Variants in APPBP2 observed in about 807,000 individuals in gnomAD.
The protein encoded by APPBP2 is amyloid beta precursor protein binding protein 2, also known as amyloid protein-binding protein 2.
In APPBP2, 15 loss-of-function variants were observed where a neutral mutation model predicts 76.0. That is an observed-to-expected ratio of 0.20 (90% CI 0.13 to 0.30). The LOEUF is 0.30. Ranked by LOEUF, APPBP2 falls within the 10% of genes least tolerant of loss-of-function variation. The pLI is 1.00. For synonymous variants in APPBP2, 222 were observed against 242.2 expected (o/e 0.92, Z 0.77); for missense variants, 401 against 687.2 (o/e 0.58, Z 4.66).
chr17:60,496,814 G>A (rs530816107), intron 2 of APPBP2, among the ~76,000 whole-genome samples: 2 of 152,042 alleles, frequency 1.3e-5, no homozygotes, highest in Non-Finnish European at 2.9e-5. Context: ...TCCGCCTCCC[G>A]GGTTCAAGTG....
chr17:60,486,958 A>T, intron 3 of APPBP2, among the ~76,000 whole-genome samples: 1 of 152,148 alleles, frequency 6.6e-6, no homozygotes, highest in Non-Finnish European at 1.5e-5. Context: ...TATGAAGCTT[A>T]GTTTGGCTGG....
At position 60,520,590 on chromosome 17, in the gene APPBP2, A is replaced by AATC. The variant is rs1555637035; in HGVS notation, c.138+5203_138+5204insGAT. On this transcript the variant is annotated intron_variant, in intron 1 of 12. Coordinates refer to ENST00000083182, the MANE Select transcript of APPBP2 (RefSeq NM_006380.5). ...TCTGTTAAAAAAAAAAAAAAAAAAA[A>AATC]ATTAAGATTGTGAAAACAATACATA... 5.3e-3 allele frequency among the ~76,000 whole-genome samples: 788 copies of AATC among 149,402 alleles called. 9 individuals carry two copies. The highest frequency in any genetic ancestry group is 0.018 in the African/African-American group (718 of 38,938).
At chr17:60,470,422 G>A (rs1216393546) in intron 4 of APPBP2, among the ~76,000 whole-genome samples, 1 of 151,908 alleles carries the variant, frequency 6.6e-6, no homozygotes, top group Admixed American at 6.6e-5. Context: ...ACCACACCTG[G>A]CTGATTTTTA....
chr17:60,450,466 C>T (rs1440890322), intron 12 of APPBP2, among the ~76,000 whole-genome samples: 3 of 146,950 alleles, frequency 2.0e-5, no homozygotes, highest in Admixed American at 6.8e-5. Flanking sequence ...AATACTGATG[C>T]ATCTGATTAC....
At chr17:60,479,318 T>A in intron 3 of APPBP2, 47 bp from the exon 4 acceptor site, 1 of 1,558,478 alleles carries the variant, frequency 6.4e-7, no homozygotes, top group Non-Finnish European at 8.7e-7. Context: ...ATAAATAGCC[T>A]GCAAGATAAA....
chr17:60,471,518 T>A (rs1005239550), intron 4 of APPBP2, among the ~76,000 whole-genome samples: 3 of 149,608 alleles, frequency 2.0e-5, no homozygotes, highest in South Asian at 4.1e-4. Flanking sequence ...TTTTTTTTTT[T>A]AATCATGAAA....
At chr17:60,477,578 G>C (rs555063296) in intron 4 of APPBP2, 1 of 152,074 alleles carries the variant, frequency 6.6e-6, no homozygotes, top group Admixed American at 6.5e-5. Context: ...ATAAATTATA[G>C]GGCTAAATAC....
chr17:60,461,969 G>T, intron 7 of APPBP2, 25 bp downstream of exon 7: 1 of 1,607,438 alleles, frequency 6.2e-7, no homozygotes, highest in South Asian at 1.1e-5. Context: ...AATTTAAAAG[G>T]ATATTTTTAA....
At chr17:60,485,750 C>T (rs1415824636) in intron 3 of APPBP2, among the ~76,000 whole-genome samples, 5 of 152,042 alleles carry the variant, frequency 3.3e-5, no homozygotes, top group Non-Finnish European at 7.4e-5. Context: ...AGCTTTCGAA[C>T]TTGTTTGCTC....
chr17:60,459,630 T>A (rs1371462605), intron 9 of APPBP2: 2 of 152,200 alleles, frequency 1.3e-5, no homozygotes, highest in African/African-American at 4.8e-5. Context: ...TAGCTGGGAT[T>A]ACAAGTGCCC....
At chr17:60,482,732 T>G (rs2090640208) in intron 3 of APPBP2, among the ~76,000 whole-genome samples, 1 of 152,208 alleles carries the variant, frequency 6.6e-6, no homozygotes, top group African/African-American at 2.4e-5. Flanking sequence ...GGTTTCCAGC[T>G]TCATCCATGT....
Position 60,447,469 on chromosome 17 carries a change from T to C in APPBP2, c.*112A>G. On this transcript the variant is annotated 3_prime_UTR_variant, in exon 13 of 13. Coordinates refer to ENST00000083182, the MANE Select transcript of APPBP2 (RefSeq NM_006380.5). ...ACCCAAAATAGGGTCTTCAATGGAC[T>C]GGACCAGTGTTTCAATGCAAATTCC... 1 of 1,263,420 alleles carries C rather than the reference T, an allele frequency of 7.9e-7. No homozygotes were observed. The highest frequency in any genetic ancestry group is 1.5e-5 in the South Asian group (1 of 68,820). 78.3% of individuals were successfully genotyped at this position (1,263,420 alleles called of 1,614,324 possible).
chr17:60,500,311 A>G (rs2143452686), intron 2 of APPBP2, 88 bp downstream of exon 2: 2 of 920,280 alleles, frequency 2.2e-6, no homozygotes, highest in South Asian at 3.2e-5. Flanking sequence ...CCAGCCCACA[A>G]TGTGAATATA....
At chr17:60,476,582 G>A (rs2090592834) in intron 4 of APPBP2, among the ~76,000 whole-genome samples, 3 of 152,056 alleles carry the variant, frequency 2.0e-5, no homozygotes, top group Admixed American at 1.3e-4. Flanking sequence ...TAGTTGAATA[G>A]AGGCAAATTT....
chr17:60,448,037 C>T (rs2090364039), intron 12 of APPBP2, among the ~76,000 whole-genome samples: 1 of 152,148 alleles, frequency 6.6e-6, no homozygotes. Flanking sequence ...AAAAAATTTT[C>T]TCGTCTAAAG....
chr17:60,449,621 G>C (rs981023876), intron 12 of APPBP2, among the ~76,000 whole-genome samples: 1 of 151,574 alleles, frequency 6.6e-6, no homozygotes, highest in African/African-American at 2.4e-5. Flanking sequence ...CCAAAAAAAA[G>C]TCTTTTGAAG....
intron 1 of APPBP2, among the ~76,000 whole-genome samples, chr17:60,524,538 C>A (rs2091034844): frequency 6.7e-6 from 1 of 150,084 alleles, no homozygotes; most frequent in African/African-American, 2.5e-5. Flanking sequence ...GGGGGGAAAC[C>A]CCACTTTAAT....
At chr17:60,516,913 T>C (rs912392402) in intron 1 of APPBP2, among the ~76,000 whole-genome samples, 6 of 152,204 alleles carry the variant, frequency 3.9e-5, no homozygotes, top group African/African-American at 1.4e-4. Context: ...TTGAGTTTCT[T>C]TCTAAATGTT....
intron 3 of APPBP2, among the ~76,000 whole-genome samples, chr17:60,481,907 G>C (rs1410463727): frequency 6.6e-6 from 1 of 152,204 alleles, no homozygotes; most frequent in East Asian, 1.9e-4. Context: ...TTTAGAGACA[G>C]AGTTTGCTCT....
Sources: gnomAD v4.1 joint callset for allele counts (sites outside exome capture counted in the v4.1 genomes callset) on GRCh38, gnomAD v4.1.1 for gene constraint, MANE v1.5 for transcripts, NCBI Gene and HGNC (gene_info 2026-07-23, HGNC 2026-07-21) for gene names.